ZNF248: variants seen among roughly 807,000 people sequenced by gnomAD.
The protein encoded by ZNF248 is KRAB protein domain.
A neutral mutation model predicts 44.3 loss-of-function variants in ZNF248; 20 were observed. That is an observed-to-expected ratio of 0.45 (90% confidence interval 0.32 to 0.66). The LOEUF (loss-of-function observed/expected upper bound fraction) is 0.66. Ranked by LOEUF, ZNF248 falls within the 30% of genes least tolerant of loss-of-function variation. ZNF248 has a pLI of 0.04. For synonymous variants in ZNF248, 224 were observed against 229.0 expected, an observed-to-expected ratio of 0.98 and a Z score of 0.20; for missense variants, 654 against 677.0, an observed-to-expected ratio of 0.97 and a Z score of 0.38.
downstream of ZNF248, among the ~76,000 whole-genome samples, chr10:37,774,386 C>A (rs1426404069): frequency 6.6e-6 from 1 of 152,220 alleles, no homozygotes; most frequent in Non-Finnish European, 1.5e-5. Flanking sequence ...TGAGAGCTAT[C>A]ACTTTAAAAG....
chr10:37,825,013 T>C (rs937888037), downstream of ZNF248, among the ~76,000 whole-genome samples: 3 of 151,944 alleles, frequency 2.0e-5, no homozygotes, highest in South Asian at 6.2e-4. Flanking sequence ...CTTGAAGTAA[T>C]TTGAAAACTT....
intron 6 of ZNF248, among the ~76,000 whole-genome samples, chr10:37,816,503 C>T (rs2052490529): frequency 6.6e-6 from 1 of 152,204 alleles, no homozygotes; most frequent in Non-Finnish European, 1.5e-5. Context: ...ACAGGAACAG[C>T]TTCTGAGGTC....
intron 6 of ZNF248, chr10:37,818,835 A>G: frequency 2.2e-6 from 2 of 925,018 alleles, no homozygotes; most frequent in South Asian, 1.3e-5. Context: ...CAGCTTTAAG[A>G]ATAGTATTCT....
chr10:37,839,502 CACAA>C (rs1296010924), intron 3 of ZNF248, among the ~76,000 whole-genome samples: 121 of 119,460 alleles, frequency 1.0e-3, no homozygotes, highest in African/African-American at 2.1e-3. Flanking sequence ...TACATGTATA[CACAA>C]ACACACACAC....
At chr10:37,847,822 A>G (rs954587048) in intron 3 of ZNF248, among the ~76,000 whole-genome samples, 2 of 152,200 alleles carry the variant, frequency 1.3e-5, no homozygotes, top group African/African-American at 4.8e-5. Context: ...ATAACTGGGG[A>G]AGCTGAGAAT....
At chr10:37,773,292 C>G (rs2046342763), downstream of ZNF248, among the ~76,000 whole-genome samples, 1 of 152,078 alleles carries the variant, frequency 6.6e-6, no homozygotes, top group African/African-American at 2.4e-5. Flanking sequence ...TCAGAAGAGA[C>G]TGTTTTTGGA....
rs988133233 is a variant in ZNF248, at chr10:37,831,475, G to A, written c.*140C>T. ...CTCAGTACAAATTTTCTAATGAAAA[G>A]TTTTAATTTTTCTTGAAAGCTTTTA... is the stretch of plus-strand genomic sequence containing the variant. On this transcript the variant is annotated 3_prime_UTR_variant, in exon 6 of 6. Coordinates refer to ENST00000395867, the MANE Select transcript of ZNF248 (RefSeq NM_021045.3). 6 of 1,458,016 alleles carry A rather than the reference G, an allele frequency of 4.1e-6. No individual in the cohort carries two copies. The African/African-American group carries it at 8.6e-5, about 21-fold the overall frequency. The allele number at this position is 1,458,016 out of a possible 1,614,324, so 90.3% of individuals were successfully genotyped here.
At chr10:37,822,594 G>T (rs1292655625) in intron 6 of ZNF248, among the ~76,000 whole-genome samples, 2 of 152,022 alleles carry the variant, frequency 1.3e-5, no homozygotes, top group Non-Finnish European at 2.9e-5. Context: ...TTAATAAAAT[G>T]TCTCTGTTAT....
At chr10:37,838,281 G>T (rs183013132) in intron 3 of ZNF248, among the ~76,000 whole-genome samples, 170 bp from the exon 4 acceptor site, 2 of 152,302 alleles carry the variant, frequency 1.3e-5, no homozygotes, top group African/African-American at 4.8e-5. Context: ...TTTCTACTAA[G>T]GGTCTGGAAT....
intron 6 of ZNF248, among the ~76,000 whole-genome samples, chr10:37,801,842 A>G (rs2049878374): frequency 6.6e-6 from 1 of 152,202 alleles, no homozygotes; most frequent in Admixed American, 6.5e-5. Flanking sequence ...CATGCAGACC[A>G]TTCAGCCTTC....
chr10:37,777,140 G>A (rs1029340881), intron 6 of ZNF248, among the ~76,000 whole-genome samples: 53 of 152,212 alleles, frequency 3.5e-4, no homozygotes, highest in African/African-American at 1.3e-3. Flanking sequence ...ACTGGAGGTA[G>A]GAAGTCATTC....
chr10:37,826,649 C>T (rs950360430), downstream of ZNF248, among the ~76,000 whole-genome samples: 16 of 152,080 alleles, frequency 1.1e-4, no homozygotes, highest in African/African-American at 3.9e-4. Flanking sequence ...AACTAAAAAC[C>T]ATACGTAATA....
At chr10:37,828,677 G>A (rs2054816397), downstream of ZNF248, 1 of 985,286 alleles carries the variant, frequency 1.0e-6, no homozygotes, top group African/African-American at 1.7e-5. Context: ...GCATTGAGCA[G>A]TCAAAAGCAA....
At position 37,830,978 on chromosome 10, in the gene ZNF248, G is replaced by T; in HGVS notation, c.*637C>A. ...TTTAACAATCAGAACTTTTAAGTCAGTATGAGGTTATACTAGCACATCACT... is the reference window on the plus strand; with the variant it reads ...TTTAACAATCAGAACTTTTAAGTCATTATGAGGTTATACTAGCACATCACT... On this transcript the variant is annotated 3_prime_UTR_variant, in exon 6 of 6. Coordinates refer to ENST00000395867, the MANE Select transcript of ZNF248 (RefSeq NM_021045.3). 1.7e-6 allele frequency: 1 copy of T among 594,188 alleles called. No individual in the cohort carries two copies. Among genetic ancestry groups the T allele is most frequent in the Non-Finnish European group, 2.2e-6 (1 of 450,386 alleles). 36.8% of individuals were successfully genotyped at this position (594,188 alleles called of 1,614,324 possible). A position where few individuals can be genotyped will look rare whatever the true frequency, so the allele number is the denominator to read the frequency against.
chr10:37,805,842 TACAC>T (rs1378545955), intron 6 of ZNF248, among the ~76,000 whole-genome samples: 1 of 152,168 alleles, frequency 6.6e-6, no homozygotes, highest in African/African-American at 2.4e-5. Context: ...TATATATAGA[TACAC>T]ACACATATGC....
At chr10:37,823,496 T>C (rs767717234) in intron 6 of ZNF248, among the ~76,000 whole-genome samples, 3 of 152,154 alleles carry the variant, frequency 2.0e-5, no homozygotes, top group South Asian at 2.1e-4. Context: ...GTAAATTTTA[T>C]GTGAAATAAT....
At chr10:37,813,294 T>C (rs1392689619) in intron 6 of ZNF248, among the ~76,000 whole-genome samples, 2 of 152,230 alleles carry the variant, frequency 1.3e-5, no homozygotes, top group Non-Finnish European at 2.9e-5. Context: ...ATGGACCCTT[T>C]TATAATACAG....
At chr10:37,816,192 A>G (rs1164227997) in intron 6 of ZNF248, among the ~76,000 whole-genome samples, 2 of 152,174 alleles carry the variant, frequency 1.3e-5, no homozygotes, top group Non-Finnish European at 2.9e-5. Flanking sequence ...TCATTAAATC[A>G]AAAGAGCATC....
At chr10:37,795,376 A>G (rs2049030931) in intron 6 of ZNF248, 1 of 152,184 alleles carries the variant, frequency 6.6e-6, no homozygotes, top group Non-Finnish European at 1.5e-5. Flanking sequence ...CAGGATTGCC[A>G]TGTTCATTGC....
Sources: allele counts gnomAD v4.1 joint callset (sites outside exome capture counted in the v4.1 genomes callset), GRCh38; gene constraint gnomAD v4.1.1; transcripts MANE v1.5; gene names NCBI Gene and HGNC (gene_info 2026-07-23, HGNC 2026-07-21).